TNR: variants seen among roughly 807,000 people sequenced by gnomAD.
TNR encodes the protein tenascin R.
In TNR, 45 loss-of-function variants were observed where a neutral mutation model predicts 150.4. The observed-to-expected ratio is 0.30, with a 90% confidence interval of 0.24 to 0.38. The LOEUF (loss-of-function observed/expected upper bound fraction) is 0.38, where lower values mean the gene tolerates loss of function less well. Among genes scored for constraint, TNR ranks in the 10% least tolerant of loss-of-function variants. The probability of loss-of-function intolerance (pLI) is 1.00; values close to 1 mark genes in which losing one functional copy is unlikely to be tolerated. For missense variants in TNR, 1,544 were observed against 1,759.1 expected, an observed-to-expected ratio of 0.88 and a Z score of 2.19; for synonymous variants, 687 against 678.4, an observed-to-expected ratio of 1.01 and a Z score of -0.20.
At chr1:175,518,187 C>T (rs1354515093) in intron 2 of TNR, among the ~76,000 whole-genome samples, 1 of 152,158 alleles carries the variant, frequency 6.6e-6, no homozygotes, top group Non-Finnish European at 1.5e-5. Flanking sequence ...ATTGTCATGA[C>T]TTAAGAACAA....
rs143479788 is a variant in TNR, at chr1:175,638,080, G to A, written c.-165+105146C>T. Reference sequence around the variant, plus strand: ...TCTCTGCAGAAGCATACCTCATACAGCTGGGTTCCTGTGAGTCAGGCTCTT... The same window carrying A: ...TCTCTGCAGAAGCATACCTCATACAACTGGGTTCCTGTGAGTCAGGCTCTT... On this transcript the variant is annotated intron_variant, in intron 1 of 22. Coordinates refer to ENST00000367674, the MANE Select transcript of TNR (RefSeq NM_003285.3). Among the ~76,000 whole-genome samples the A allele has an allele frequency of 1.3e-4, 20 of 152,234 alleles. No individual in the cohort carries two copies. The East Asian group carries it at 3.9e-3, about 29-fold the overall frequency.
In TNR at chr1:175,471,006, T is replaced by C. The variant is rs1021601307; in HGVS notation, c.-64+57263A>G. ...TTGGATGCACTAGAAATTTTAGCTGTTTCTGCAGGGCGGAATGAAGAAGTC... is the reference window on the plus strand; with the variant it reads ...TTGGATGCACTAGAAATTTTAGCTGCTTCTGCAGGGCGGAATGAAGAAGTC... On this transcript the variant is annotated intron_variant, in intron 2 of 22. Coordinates refer to ENST00000367674, the MANE Select transcript of TNR (RefSeq NM_003285.3). Among the ~76,000 whole-genome samples, 4 of 152,216 alleles carry C rather than the reference T, an allele frequency of 2.6e-5. No homozygotes were observed. The East Asian group carries it at 7.7e-4, about 29-fold the overall frequency.
intron 2 of TNR, among the ~76,000 whole-genome samples, chr1:175,458,370 G>A (rs933659180): frequency 6.6e-6 from 1 of 152,174 alleles, no homozygotes; most frequent in African/African-American, 2.4e-5. Flanking sequence ...AAGGGTATGG[G>A]ATTTAAGAAG....
chr1:175,718,064 G>A (rs1343288954), intron 1 of TNR, among the ~76,000 whole-genome samples: 2 of 152,224 alleles, frequency 1.3e-5, no homozygotes, highest in Admixed American at 6.5e-5. Context: ...GTTAGTAGCT[G>A]GTCCCTTTTG....
rs1557911389 is a variant in TNR, at chr1:175,403,551, T to C, written c.565A>G (p.Ile189Val). ...GNFSFESCGC[I>V]CNEGWFGKNC... Reference sequence around the variant, plus strand: ...TTGCCAAACCAGCCTTCGTTGCAGATGCAGCCACAGGACTCAAAGCTAAAG... The same window carrying C: ...TTGCCAAACCAGCCTTCGTTGCAGACGCAGCCACAGGACTCAAAGCTAAAG... Residue 189 changes from isoleucine (I) to valine (V), a missense_variant, in exon 4 of 23, where the codon ATC becomes GTC. By Grantham distance (29) the Ile-to-Val change is conservative. Coordinates refer to ENST00000367674, the MANE Select transcript of TNR (RefSeq NM_003285.3). The C allele has an allele frequency of 6.2e-7, 1 of 1,614,162 alleles. No individual in the cohort carries two copies. Among genetic ancestry groups the C allele is most frequent in the Non-Finnish European group, 8.5e-7 (1 of 1,180,034 alleles).
At chr1:175,668,068 T>C (rs1203859424) in intron 1 of TNR, among the ~76,000 whole-genome samples, 3 of 152,196 alleles carry the variant, frequency 2.0e-5, no homozygotes, top group African/African-American at 7.2e-5. Context: ...AGGTGGTTCA[T>C]ATGCTTATTA....
intron 1 of TNR, among the ~76,000 whole-genome samples, chr1:175,594,323 G>A (rs1453740566): frequency 6.6e-6 from 1 of 151,860 alleles, no homozygotes; most frequent in Non-Finnish European, 1.5e-5. Flanking sequence ...CCACCTCTTT[G>A]CTTTTGGACT....
chr1:175,648,750 A>G (rs1664873342), intron 1 of TNR, among the ~76,000 whole-genome samples: 1 of 152,134 alleles, frequency 6.6e-6, no homozygotes, highest in Non-Finnish European at 1.5e-5. Flanking sequence ...TACCTCTGAC[A>G]GCTCTCTGCC....
intron 1 of TNR, among the ~76,000 whole-genome samples, chr1:175,607,801 GTC>G (rs1240676303): frequency 6.6e-6 from 1 of 152,192 alleles, no homozygotes; most frequent in African/African-American, 2.4e-5. Flanking sequence ...TACTTATTCA[GTC>G]TCTTTGCATC....
chr1:175,712,098 T>C lies in TNR; in HGVS notation c.-165+31128A>G, dbSNP rs570434650. The stretch of plus-strand genomic sequence containing the variant: ...CACTGCCATCATCTCTACCCCACTA[T>C]TGATAACTGCTATGTGCCAGGCACT... On this transcript the variant is annotated intron_variant, in intron 1 of 22. Transcript: ENST00000367674. Among the ~76,000 whole-genome samples, 90 of 152,296 alleles carry C rather than the reference T, an allele frequency of 5.9e-4. No individual in the cohort carries two copies. In the Middle Eastern group the frequency reaches 0.02, roughly 35 times the overall value.
At chr1:175,593,346 A>C (rs16848739) in intron 1 of TNR, among the ~76,000 whole-genome samples, 26,864 of 152,120 alleles carry the variant, frequency 0.18, 3,807 homozygotes, top group African/African-American at 0.39. Flanking sequence ...AGCCTCACAT[A>C]GAGCCAGTTA....
At position 175,403,577 on chromosome 1, in the gene TNR, T is replaced by C. The variant is rs753698991; in HGVS notation, c.539A>G (p.Asn180Ser). The C allele has an allele frequency of 3.7e-6, 6 of 1,613,962 alleles. No homozygotes were observed. In the African/African-American group the frequency reaches 5.3e-5, roughly 14 times the overall value. Residue 180 changes from asparagine to serine, a missense_variant, in exon 4 of 23, where the codon AAC (asparagine) becomes AGC (serine). Physicochemically the swap from Asn to Ser is conservative, Grantham distance 46. Transcript: ENST00000367674. ...DYIPHCSGHG[N>S]FSFESCGCIC... The stretch of plus-strand genomic sequence containing the variant: ...GCAGCCACAGGACTCAAAGCTAAAG[T>C]TGCCGTGGCCACTGCAGTGAGGGAT...
At chr1:175,409,069 C>T (rs1654087421) in intron 2 of TNR, among the ~76,000 whole-genome samples, 1 of 152,220 alleles carries the variant, frequency 6.6e-6, no homozygotes, top group South Asian at 2.1e-4. Context: ...TCATCCAAAG[C>T]TCTACTCGCC....
intron 2 of TNR, among the ~76,000 whole-genome samples, chr1:175,417,880 T>C (rs1463067592): frequency 6.6e-6 from 1 of 152,184 alleles, no homozygotes; most frequent in East Asian, 1.9e-4. Context: ...GGATAGCCAT[T>C]CGTTTCTTCA....
At chr1:175,609,648 G>T (rs1041614717) in intron 1 of TNR, among the ~76,000 whole-genome samples, 1 of 152,196 alleles carries the variant, frequency 6.6e-6, no homozygotes, top group Non-Finnish European at 1.5e-5. Flanking sequence ...GCTGTCATTG[G>T]CCATGAGACC....
chr1:175,533,067 C>T (rs1170386480), intron 1 of TNR, among the ~76,000 whole-genome samples: 1 of 152,112 alleles, frequency 6.6e-6, no homozygotes, highest in Admixed American at 6.6e-5. Context: ...AAATGCTTTG[C>T]GCTTTTGCTT....
chr1:175,685,057 G>A (rs1346127105), intron 1 of TNR, among the ~76,000 whole-genome samples: 1 of 151,948 alleles, frequency 6.6e-6, no homozygotes, highest in Non-Finnish European at 1.5e-5. Context: ...TATTAGATCT[G>A]ACTCTTCATT....
At chr1:175,669,172 T>C (rs935723218) in intron 1 of TNR, among the ~76,000 whole-genome samples, 20 of 152,182 alleles carry the variant, frequency 1.3e-4, no homozygotes, top group African/African-American at 4.8e-4. Flanking sequence ...GCTCTGAGTG[T>C]TGAAGAGGTA....
chr1:175,343,622 A>G (rs1650631704), intron 18 of TNR, among the ~76,000 whole-genome samples: 2 of 152,224 alleles, frequency 1.3e-5, no homozygotes, highest in South Asian at 4.1e-4. Context: ...GTTCCATGAC[A>G]GTATAATCAT....
Sources: gnomAD v4.1 joint callset for allele counts (sites outside exome capture counted in the v4.1 genomes callset) on GRCh38, gnomAD v4.1.1 for gene constraint, MANE v1.5 for transcripts, NCBI Gene and HGNC (gene_info 2026-07-23, HGNC 2026-07-21) for gene names.